RNF41: variants seen among roughly 807,000 people sequenced by gnomAD.
RNF41 encodes E3 ubiquitin-protein ligase NRDP1.
Under a neutral mutation model 33.0 loss-of-function variants are expected in RNF41, and 4 were observed. That is an observed-to-expected ratio of 0.12 (90% CI 0.06 to 0.28). The LOEUF (loss-of-function observed/expected upper bound fraction) is 0.28. Ranked by LOEUF, RNF41 falls within the 10% of genes least tolerant of loss-of-function variation. RNF41 has a pLI of 1.00. For missense variants in RNF41, 228 were observed against 432.6 expected (o/e 0.53, Z 4.19); for synonymous variants, 164 against 153.2 (o/e 1.07, Z -0.52).
intron 2 of RNF41, among the ~76,000 whole-genome samples, chr12:56,214,373 T>A (rs1276612738): frequency 6.7e-6 from 1 of 149,426 alleles, no homozygotes; most frequent in African/African-American, 2.5e-5. Flanking sequence ...ATACAAAAAT[T>A]AGCTGGGTGT....
rs1435276562 is a variant in RNF41 at position 56,204,503 on chromosome 12, TAG to T, written c.*1942_*1943del. On this transcript the variant is annotated 3_prime_UTR_variant, in exon 7 of 7. Transcript: ENST00000345093. ...AGAAAGGGAGTAATGCTGAAGAATT[TAG>T]AGAGTTGAGTAAAAGGTTTATTATT... 3 of 152,184 alleles carry T rather than the reference TAG, an allele frequency of 2.0e-5. No individual in the cohort carries two copies. The highest frequency in any genetic ancestry group is 6.6e-5 in the Admixed American group (1 of 15,260). The allele number at this position is 152,184 out of a possible 1,614,324, so 9.4% of individuals were successfully genotyped here.
chr12:56,210,897 C>A (rs959440777), intron 3 of RNF41, among the ~76,000 whole-genome samples: 1 of 152,006 alleles, frequency 6.6e-6, no homozygotes, highest in South Asian at 2.1e-4. Context: ...AAAAATTAGC[C>A]GGGCATAGGC....
intron 4 of RNF41, among the ~76,000 whole-genome samples, chr12:56,209,692 C>G (rs76280383): frequency 1.3e-5 from 2 of 151,926 alleles, no homozygotes; most frequent in Non-Finnish European, 2.9e-5. Context: ...CTCCTGACCT[C>G]GTGATCCACC....
chr12:56,213,958 C>T lies in RNF41; in HGVS notation c.90G>A (p.Gln30=), dbSNP rs1868667764. 1 of 1,609,882 alleles carries T rather than the reference C, an allele frequency of 6.2e-7. No homozygotes were observed. Among genetic ancestry groups the T allele is most frequent in the Non-Finnish European group, 8.5e-7 (1 of 1,176,214 alleles). The change falls in exon 3 of 7, where the codon CAG becomes CAA. Residue 30 remains glutamine, a splice_region_variant and synonymous_variant. Transcript: ENST00000345093. ...ICSGVLEEPV[Q]APHCEHAFCN... is the part of the protein sequence containing the mutation. ...CAAACCTGCCATCAGACCAACTCAC[C>T]TGTACTGGCTCCTCCAAGACTCCAC...
At chr12:56,218,688 ATATT>A (rs1869097146) in intron 1 of RNF41, among the ~76,000 whole-genome samples, 1 of 148,592 alleles carries the variant, frequency 6.7e-6, no homozygotes, top group Admixed American at 6.8e-5. Flanking sequence ...TAATATATAC[ATATT>A]TATTATATAT....
chr12:56,207,427 C>T, intron 6 of RNF41: 1 of 776,414 alleles, frequency 1.3e-6, no homozygotes, highest in Non-Finnish European at 2.2e-6. Context: ...CATCCTTGGG[C>T]AGGCTTTCCC....
rs983626634 is a variant in RNF41, at chr12:56,204,678, T to A, written c.*1769A>T. 3.3e-5 allele frequency: 5 copies of A among 152,630 alleles called. No individual in the cohort carries two copies. The highest frequency in any genetic ancestry group is 6.6e-5 in the Admixed American group (1 of 15,258). The allele number at this position is 152,630 out of a possible 1,614,324, so 9.5% of individuals were successfully genotyped here. On this transcript the variant is annotated 3_prime_UTR_variant, in exon 7 of 7. Transcript: ENST00000345093. ...CAGTATGAGCCTTGGTTAAGGCAGGTAGGGGAAAGGGGAGTGGAAGAAATG... is the reference window on the plus strand; with the variant it reads ...CAGTATGAGCCTTGGTTAAGGCAGGAAGGGGAAAGGGGAGTGGAAGAAATG...
chr12:56,206,678 A>T lies in RNF41; in HGVS notation c.723T>A (p.Ser241=). ...CATTTTCAATCAGCTCGTTGACAAT[A>T]GAAGCAGGACAGCCACTCTCCACCA... The part of the protein sequence containing the change: ...RSLVESGCPA[S]IVNELIENAH... Residue 241 remains serine (S), a synonymous_variant, in exon 7 of 7, where the codon TCT becomes TCA. Transcript: ENST00000345093. The surrounding 1 kb of genome is among the most constrained non-coding windows in gnomAD (Gnocchi z 5.7). 3.7e-6 allele frequency: 6 copies of T among 1,614,160 alleles called. No homozygotes were observed. Among genetic ancestry groups the T allele is most frequent in the Non-Finnish European group, 5.1e-6 (6 of 1,180,020 alleles).
chr12:56,208,053 C>A, intron 5 of RNF41, 110 bp downstream of exon 5: 1 of 1,335,770 alleles, frequency 7.5e-7, no homozygotes, highest in South Asian at 1.3e-5. Context: ...CTCATCTAGG[C>A]TCACAAGTGT....
intron 3 of RNF41, 109 bp downstream of exon 3, chr12:56,213,849 G>A: frequency 1.3e-6 from 1 of 774,238 alleles, no homozygotes; most frequent in South Asian, 1.4e-5. Context: ...GGGTGAGGGT[G>A]GAGAGAAGAA....
rs1483960168 is a variant in RNF41 at position 56,221,793 on chromosome 12, G to A, written c.-242C>T. 1 of 152,316 alleles carries A rather than the reference G, an allele frequency of 6.6e-6. No individual in the cohort carries two copies. The highest frequency in any genetic ancestry group is 2.4e-5 in the African/African-American group (1 of 41,424). The allele number at this position is 152,316 out of a possible 1,614,324, so 9.4% of individuals were successfully genotyped here. On this transcript the variant is annotated 5_prime_UTR_variant, in exon 1 of 7. Transcript: ENST00000345093. ...AAGCGGCCTGGAGTCTCCGCAACCT[G>A]ACCCAGTCGGAGCTGAGGCCGCAGC... is the stretch of plus-strand genomic sequence containing the variant.
chr12:56,208,138 T>A, intron 5 of RNF41, 25 bp downstream of exon 5: 1 of 1,614,088 alleles, frequency 6.2e-7, no homozygotes, highest in Non-Finnish European at 8.5e-7. Context: ...GAGGGATATG[T>A]TCTCCCCCGT....
At chr12:56,219,679 G>A (rs1166797936) in intron 1 of RNF41, among the ~76,000 whole-genome samples, 2 of 16,454 alleles carry the variant, frequency 1.2e-4, no homozygotes, top group South Asian at 5.2e-3. Flanking sequence ...ATACACGCGC[G>A]CACCCCTTAT....
At chr12:56,218,889 A>G (rs1869119353) in intron 1 of RNF41, among the ~76,000 whole-genome samples, 3 of 150,798 alleles carry the variant, frequency 2.0e-5, no homozygotes, top group Admixed American at 1.3e-4. Flanking sequence ...TTTTTAGTAG[A>G]GACGGGGTTT....
At chr12:56,210,906 G>A (rs1868426490) in intron 3 of RNF41, among the ~76,000 whole-genome samples, 1 of 152,188 alleles carries the variant, frequency 6.6e-6, no homozygotes, top group African/African-American at 2.4e-5. Context: ...CCGGGCATAG[G>A]CCGGGCGCAG....
rs372811152 is a variant in RNF41, at chr12:56,208,246, G to A, written c.415C>T (p.Arg139Cys). ...LPNHNCIKHL[R>C]SVVQQQQTRI... ...GTCTGCTGCTGCTGTACCACTGAGC[G>A]CAGGTGCTTAATGCAGTTATGGTTG... The change falls in exon 5 of 7, where the codon CGC (arginine) becomes TGC (cysteine). Residue 139 changes from arginine (R) to cysteine (C), a missense_variant. Transcript: ENST00000345093. 22 of 1,614,052 alleles carry A rather than the reference G, an allele frequency of 1.4e-5. No homozygotes were observed. Among genetic ancestry groups the A allele is most frequent in the African/African-American group, 6.7e-5 (5 of 74,924 alleles).
At chr12:56,219,817 C>G (rs770465402) in intron 1 of RNF41, among the ~76,000 whole-genome samples, 2 of 151,058 alleles carry the variant, frequency 1.3e-5, no homozygotes, top group Admixed American at 6.6e-5. Context: ...GAGTTTGAGA[C>G]CAGCCTGGGC....
chr12:56,212,364 T>A (rs1210484455), intron 3 of RNF41, among the ~76,000 whole-genome samples: 1 of 152,290 alleles, frequency 6.6e-6, no homozygotes, highest in Middle Eastern at 3.4e-3. Context: ...GAAATCAGCA[T>A]CCCTAGCAGG....
In RNF41 at chr12:56,210,560, A is replaced by G; in HGVS notation, c.99T>C (p.His33=). The change falls in exon 4 of 7, where the codon CAT becomes CAC. Residue 33 remains histidine (H), a synonymous_variant. Coordinates refer to ENST00000345093, the MANE Select transcript of RNF41 (RefSeq NM_005785.4). ...GVLEEPVQAP[H]CEHAFCNACI... is the part of the protein sequence containing the mutation. The stretch of plus-strand genomic sequence containing the variant: ...AGGCGTTGCAGAAAGCATGTTCACA[A>G]TGAGGTGCCTAGAAGAGAGAACAAG... 2 of 1,612,860 alleles carry G rather than the reference A, an allele frequency of 1.2e-6. No individual in the cohort carries two copies. Among genetic ancestry groups the G allele is most frequent in the Non-Finnish European group, 8.5e-7 (1 of 1,179,974 alleles).
Sources: allele counts gnomAD v4.1 joint callset (sites outside exome capture counted in the v4.1 genomes callset), GRCh38; gene constraint gnomAD v4.1.1; non-coding constraint Gnocchi (gnomAD v3.1); transcripts MANE v1.5; gene names NCBI Gene and HGNC (gene_info 2026-07-23, HGNC 2026-07-21).